Variants in GALNTL6 observed in about 807,000 individuals in gnomAD.
The protein encoded by GALNTL6 is polypeptide N-acetylgalactosaminyltransferase-like 6.
A neutral mutation model predicts 73.7 loss-of-function variants in GALNTL6; 46 were observed. The ratio of observed to expected loss-of-function variants is 0.62; its 90% CI spans 0.49 to 0.80. The LOEUF is 0.80. GALNTL6 is among the 30% of genes least tolerant of loss of function. The probability of loss-of-function intolerance (pLI) is 0.00; values close to 1 mark genes in which losing one functional copy is unlikely to be tolerated. For synonymous variants in GALNTL6, 259 were observed against 263.7 expected (o/e 0.98, Z 0.17); for missense variants, 604 against 755.0 (o/e 0.80, Z 2.34).
At chr4:172,626,560 A>C (rs1373574570) in intron 5 of GALNTL6, among the ~76,000 whole-genome samples, 1 of 152,094 alleles carries the variant, frequency 6.6e-6, no homozygotes, top group Non-Finnish European at 1.5e-5. Context: ...TTGCATTAGT[A>C]GTTTGATAGG....
intron 2 of GALNTL6, among the ~76,000 whole-genome samples, chr4:171,817,178 T>C (rs1046875033): frequency 3.9e-5 from 6 of 152,152 alleles, no homozygotes; most frequent in African/African-American, 1.4e-4. Flanking sequence ...CAATAAGTAC[T>C]GAGGCTAGTC....
At chr4:172,498,073 C>G (rs1734130142) in intron 5 of GALNTL6, among the ~76,000 whole-genome samples, 1 of 146,042 alleles carries the variant, frequency 6.8e-6, no homozygotes, top group South Asian at 2.1e-4. Context: ...TCACTGTAAC[C>G]TCCGCCTCCC....
intron 7 of GALNTL6, among the ~76,000 whole-genome samples, chr4:172,831,982 C>T (rs1455273948): frequency 6.6e-6 from 1 of 152,200 alleles, no homozygotes; most frequent in East Asian, 1.9e-4. Context: ...GTGTGTAAGC[C>T]ACCAGCTCTA....
At chr4:172,198,553 A>G (rs28369295) in intron 2 of GALNTL6, among the ~76,000 whole-genome samples, 53,378 of 152,010 alleles carry the variant, frequency 0.35, 9,542 homozygotes, top group Admixed American at 0.38. Flanking sequence ...CAAAACCAAA[A>G]TGAGATACCA....
intron 5 of GALNTL6, among the ~76,000 whole-genome samples, chr4:172,460,871 A>G (rs1050920553): frequency 5.3e-5 from 8 of 152,236 alleles, no homozygotes; most frequent in Non-Finnish European, 1.2e-4. Flanking sequence ...TACTGGGTAT[A>G]TACCCAAAGG....
chr4:172,583,909 A>G (rs2110980306), intron 5 of GALNTL6, among the ~76,000 whole-genome samples: 1 of 151,386 alleles, frequency 6.6e-6, no homozygotes, highest in South Asian at 2.1e-4. Flanking sequence ...AAAAAAAAAA[A>G]AAAAAAAAAA....
chr4:172,727,215 A>G lies in GALNTL6; in HGVS notation c.554-82146A>G, dbSNP rs1735867976. On this transcript the variant is annotated intron_variant, in intron 5 of 12. Transcript: ENST00000506823. Reference sequence around the variant, plus strand: ...TGTGTGCCCATAGAAAAACCTGGCCACTCTACTGTTTTAAGAAATAACGCT... The same window carrying G: ...TGTGTGCCCATAGAAAAACCTGGCCGCTCTACTGTTTTAAGAAATAACGCT... Among the ~76,000 whole-genome samples the G allele has an allele frequency of 2.6e-5, 4 of 152,140 alleles. 1 individual carries two copies. In the South Asian group the frequency reaches 8.3e-4, roughly 32 times the overall value.
At chr4:171,923,122 A>G (rs1055822241) in intron 2 of GALNTL6, among the ~76,000 whole-genome samples, 2 of 152,202 alleles carry the variant, frequency 1.3e-5, no homozygotes, top group Admixed American at 1.3e-4. Context: ...CAACTACTAA[A>G]TAAATATGGA....
intron 5 of GALNTL6, among the ~76,000 whole-genome samples, chr4:172,475,970 T>A (rs1179974800): frequency 6.6e-6 from 1 of 152,216 alleles, no homozygotes; most frequent in African/African-American, 2.4e-5. Context: ...CTGGATGCCA[T>A]AATAATTTTT....
intron 2 of GALNTL6, among the ~76,000 whole-genome samples, chr4:171,954,802 C>T (rs1164838589): frequency 2.6e-5 from 4 of 152,080 alleles, no homozygotes; most frequent in Admixed American, 6.6e-5. Context: ...TCTCTCTTGA[C>T]AGTGAGTGAG....
intron 5 of GALNTL6, among the ~76,000 whole-genome samples, chr4:172,700,157 C>G (rs1408363146): frequency 6.6e-6 from 1 of 152,032 alleles, no homozygotes; most frequent in African/African-American, 2.4e-5. Context: ...ACCTTGTAAT[C>G]ATATTGAAAG....
chr4:172,615,191 A>T (rs114111737), intron 5 of GALNTL6, among the ~76,000 whole-genome samples: 23,480 of 148,772 alleles, frequency 0.16, 2,031 homozygotes, highest in Admixed American at 0.25. Context: ...AGGTAGTTTA[A>T]AAAAAAAAAA....
chr4:172,920,410 T>C (rs1057265832), intron 8 of GALNTL6, among the ~76,000 whole-genome samples: 1 of 152,204 alleles, frequency 6.6e-6, no homozygotes, highest in African/African-American at 2.4e-5. Flanking sequence ...AGTTTAATGA[T>C]AGCCATAGCC....
chr4:172,466,722 A>G lies in GALNTL6; in HGVS notation c.553+118033A>G, dbSNP rs561940849. ...AGATTGGACCATGAACTGCTGTCAA[A>G]TGTTCACAAAGCCAGGAGGAAATAT... On this transcript the variant is annotated intron_variant, in intron 5 of 12. Transcript: ENST00000506823. 3.8e-4 allele frequency among the ~76,000 whole-genome samples: 58 copies of G among 152,294 alleles called. 1 individual carries two copies. The highest frequency in any genetic ancestry group is 1.3e-3 in the African/African-American group (52 of 41,558).
intron 2 of GALNTL6, among the ~76,000 whole-genome samples, chr4:172,042,939 C>T (rs866255391): frequency 1.9e-4 from 19 of 99,582 alleles, no homozygotes; most frequent in Admixed American, 4.1e-4. Context: ...CAATAGAAAA[C>T]AATTTAAAAT....
chr4:172,310,792 G>A (rs1000693155), intron 3 of GALNTL6, among the ~76,000 whole-genome samples: 2 of 151,440 alleles, frequency 1.3e-5, no homozygotes, highest in African/African-American at 4.8e-5. Flanking sequence ...AATATAAAAC[G>A]AGAAATTATA....
At chr4:171,954,396 ATAGTT>A (rs1738982586) in intron 2 of GALNTL6, among the ~76,000 whole-genome samples, 8 of 152,352 alleles carry the variant, frequency 5.3e-5, no homozygotes, top group Non-Finnish European at 1.0e-4. Flanking sequence ...CTTGTGTTGT[ATAGTT>A]ATACAATGAA....
intron 3 of GALNTL6, among the ~76,000 whole-genome samples, chr4:172,307,989 G>A (rs1740204239): frequency 8.6e-6 from 1 of 116,592 alleles, no homozygotes; most frequent in East Asian, 2.8e-4. Context: ...CCATGAGCAT[G>A]GGATGTGTTT....
At chr4:172,001,528 A>C in intron 2 of GALNTL6, among the ~76,000 whole-genome samples, 1 of 152,168 alleles carries the variant, frequency 6.6e-6, no homozygotes, top group African/African-American at 2.4e-5. Flanking sequence ...TTTCCTTGAC[A>C]ATGACATTTT....
Sources: allele counts gnomAD v4.1 joint callset (sites outside exome capture counted in the v4.1 genomes callset), GRCh38; gene constraint gnomAD v4.1.1; transcripts MANE v1.5; gene names NCBI Gene and HGNC (gene_info 2026-07-23, HGNC 2026-07-21).